Variants in CLEC12A observed in about 807,000 individuals in gnomAD.
CLEC12A encodes the protein C-type lectin protein CLL-1.
CLEC12A carries 22 observed loss-of-function variants against 26.5 expected under a neutral mutation model. That is an observed-to-expected ratio of 0.83 (90% CI 0.59 to 1.19). The LOEUF (loss-of-function observed/expected upper bound fraction) is 1.19, where lower values mean the gene tolerates loss of function less well. Ranked by LOEUF, CLEC12A falls within the 50% of genes most tolerant of loss-of-function variation. The pLI is 0.00. For synonymous variants in CLEC12A, 119 were observed against 101.9 expected, an observed-to-expected ratio of 1.17 and a Z score of -1.01; for missense variants, 353 against 315.6, an observed-to-expected ratio of 1.12 and a Z score of -0.90.
downstream of CLEC12A, among the ~76,000 whole-genome samples, chr12:9,998,015 T>A (rs477658): frequency 0.55 from 82,773 of 151,780 alleles, 22,908 homozygotes; most frequent in South Asian, 0.72. Context: ...TTAAAAATAG[T>A]TTGGATCCAC....
At chr12:9,962,354 G>C (rs772288663) in intron 1 of CLEC12A, among the ~76,000 whole-genome samples, 13 of 146,934 alleles carry the variant, frequency 8.8e-5, no homozygotes, top group Non-Finnish European at 1.5e-4. Context: ...ATGTGACTCT[G>C]AAGGTGTGTG....
chr12:10,002,737 C>T, the CLEC12A span, among the ~76,000 whole-genome samples: 15 of 152,016 alleles, frequency 9.9e-5, no homozygotes, highest in South Asian at 2.1e-4. Flanking sequence ...CCACCGCACC[C>T]GGCAATTTGA....
intron 1 of CLEC12A, among the ~76,000 whole-genome samples, chr12:9,972,249 AG>A (rs1864159779): frequency 6.6e-6 from 1 of 152,196 alleles, no homozygotes; most frequent in African/African-American, 2.4e-5. Context: ...GAATAAAGGA[AG>A]AAAAGAGGTA....
At chr12:9,983,707 C>T (rs1190467759) in intron 5 of CLEC12A, 1 of 486,738 alleles carries the variant, frequency 2.1e-6, no homozygotes, top group Non-Finnish European at 3.6e-6. Context: ...TCACATTGGG[C>T]CATAATGGCA....
chr12:9,988,976 G>A (rs1244178407), downstream of CLEC12A, among the ~76,000 whole-genome samples: 2 of 152,088 alleles, frequency 1.3e-5, no homozygotes, highest in Admixed American at 6.6e-5. Flanking sequence ...ATGTCCAACA[G>A]TGATAGACTG....
At chr12:9,952,414 T>C (rs946436255) in intron 1 of CLEC12A, 8 of 158,934 alleles carry the variant, frequency 5.0e-5, no homozygotes, top group African/African-American at 2.0e-4. Context: ...TAACCGCGAG[T>C]GATCCGCCAG....
intron 1 of CLEC12A, 23 bp from the exon 2 acceptor site, chr12:9,978,939 CCTCT>C: frequency 6.6e-7 from 1 of 1,508,780 alleles, no homozygotes; most frequent in Non-Finnish European, 9.2e-7. Context: ...CATTTTTAGG[CCTCT>C]CTGTTAATTT....
At chr12:9,998,587 C>G (rs7963119), downstream of CLEC12A, among the ~76,000 whole-genome samples, 22,946 of 83,056 alleles carry the variant, frequency 0.28, 6,752 homozygotes, top group Middle Eastern at 0.34. Context: ...ATCTCCAATG[C>G]ACTTTACCTC....
downstream of CLEC12A, chr12:9,996,917 A>G (rs1329924344): frequency 1.9e-6 from 3 of 1,613,966 alleles, no homozygotes; most frequent in African/African-American, 1.3e-5. Flanking sequence ...CTCTCTTCCC[A>G]TGTTAAGTTG....
downstream of CLEC12A, chr12:9,997,336 A>T: frequency 6.7e-7 from 1 of 1,484,732 alleles, no homozygotes. Context: ...AAATGATGCA[A>T]AGGTCTGTCA....
At position 9,982,117 on chromosome 12, in the gene CLEC12A, A is replaced by T; in HGVS notation, c.629A>T (p.Asn210Ile). Reference sequence around the variant, plus strand: ...GGTATGAGAGTGGATAATATAATCAACTCCTCTGCCTGGTAAGTGTCTATT... The same window carrying T: ...GGTATGAGAGTGGATAATATAATCATCTCCTCTGCCTGGTAAGTGTCTATT... ...TRGMRVDNII[N>I]SSAWVIRNAP... is the part of the protein sequence containing the mutation. Residue 210 changes from asparagine to isoleucine, a missense_variant, in exon 5 of 6, where the codon AAC becomes ATC. Coordinates refer to ENST00000304361, the MANE Select transcript of CLEC12A (RefSeq NM_138337.6). The T allele has an allele frequency of 6.4e-7, 1 of 1,556,092 alleles. No homozygotes were observed. The highest frequency in any genetic ancestry group is 2.3e-5 in the East Asian group (1 of 44,368).
At chr12:9,999,121 T>C (rs2137247431), downstream of CLEC12A, 4 of 1,570,852 alleles carry the variant, frequency 2.5e-6, no homozygotes, top group Non-Finnish European at 3.5e-6. Context: ...GTACTGCAAC[T>C]GAGCTCAGAG....
At chr12:9,988,236 T>C (rs1305075940), downstream of CLEC12A, among the ~76,000 whole-genome samples, 1 of 152,152 alleles carries the variant, frequency 6.6e-6, no homozygotes, top group Non-Finnish European at 1.5e-5. Flanking sequence ...ACTGTTCTCA[T>C]GTTAGACCTA....
At chr12:9,978,549 T>C (rs1864429015) in intron 1 of CLEC12A, among the ~76,000 whole-genome samples, 1 of 152,186 alleles carries the variant, frequency 6.6e-6, no homozygotes, top group African/African-American at 2.4e-5. Flanking sequence ...TTTCTTGACA[T>C]GCCACAATTG....
downstream of CLEC12A, among the ~76,000 whole-genome samples, chr12:9,999,728 G>A (rs1443365305): frequency 3.3e-5 from 5 of 152,144 alleles, no homozygotes; most frequent in African/African-American, 1.2e-4. Context: ...TTAGATTTAG[G>A]TATTGAAGGA....
In CLEC12A at chr12:9,971,558, G is replaced by C. The variant is rs376404556; in HGVS notation, c.-39G>C. ...TCTGTTAACTCACTCATCTTTTTGTGTTTTTACACTTTGTCAAGATTTCTT... is the reference window on the plus strand; with the variant it reads ...TCTGTTAACTCACTCATCTTTTTGTCTTTTTACACTTTGTCAAGATTTCTT... On this transcript the variant is annotated 5_prime_UTR_variant, in exon 1 of 6. Transcript: ENST00000304361. The C allele has an allele frequency of 1.3e-6, 2 of 1,587,724 alleles. No individual in the cohort carries two copies. The highest frequency in any genetic ancestry group is 1.7e-6 in the Non-Finnish European group (2 of 1,168,980).
chr12:9,952,312 A>G (rs939236246), intron 1 of CLEC12A, among the ~76,000 whole-genome samples: 3 of 150,138 alleles, frequency 2.0e-5, no homozygotes, highest in East Asian at 2.0e-4. Context: ...CAGCCTGCCG[A>G]GTGCCTGCGA....
chr12:9,954,400 TG>T (rs891765399), intron 1 of CLEC12A, among the ~76,000 whole-genome samples: 1 of 151,602 alleles, frequency 6.6e-6, no homozygotes, highest in African/African-American at 2.4e-5. Context: ...GAGGCTGAGG[TG>T]GGAGGATTAC....
At chr12:9,954,491 C>CAAA (rs546910635) in intron 1 of CLEC12A, among the ~76,000 whole-genome samples, 2 of 145,106 alleles carry the variant, frequency 1.4e-5, no homozygotes, top group African/African-American at 5.0e-5. Flanking sequence ...GATCCTGTCT[C>CAAA]AAAAAAAAAA....
Sources: gnomAD v4.1 joint callset for allele counts (sites outside exome capture counted in the v4.1 genomes callset) on GRCh38, gnomAD v4.1.1 for gene constraint, MANE v1.5 for transcripts, NCBI Gene and HGNC (gene_info 2026-07-23, HGNC 2026-07-21) for gene names.